IL12RB1: variants seen among roughly 807,000 people sequenced by gnomAD.
The protein encoded by IL12RB1 is interleukin 12 receptor subunit beta 1, also known as interleukin-12 receptor subunit beta-1.
A neutral mutation model predicts 94.4 loss-of-function variants in IL12RB1; 64 were observed. The observed-to-expected ratio is 0.68, with a 90% CI of 0.55 to 0.83. IL12RB1 has a LOEUF of 0.83. Among genes scored for constraint, IL12RB1 ranks in the 40% least tolerant of loss-of-function variants. The probability of loss-of-function intolerance (pLI) is 0.00; values close to 1 mark genes in which losing one functional copy is unlikely to be tolerated. For missense variants in IL12RB1, 814 were observed against 855.6 expected (o/e 0.95, Z 0.61); for synonymous variants, 362 against 355.5 (o/e 1.02, Z -0.21).
chr19:18,082,051 C>G, intron 3 of IL12RB1, 99 bp downstream of exon 3: 1 of 753,924 alleles, frequency 1.3e-6, no homozygotes, highest in Non-Finnish European at 2.4e-6. Flanking sequence ...GAGTGTTGAC[C>G]CAGCCAAGAT....
At chr19:18,087,775 G>C (rs1170786963), upstream of IL12RB1, among the ~76,000 whole-genome samples, 1 of 151,934 alleles carries the variant, frequency 6.6e-6, no homozygotes, top group Non-Finnish European at 1.5e-5. Context: ...GTCCGCCTTG[G>C]CCTACCAAAA....
At chr19:18,098,652 G>T (rs1416350475) in intron 1 of IL12RB1, 2 of 453,514 alleles carry the variant, frequency 4.4e-6, no homozygotes, top group African/African-American at 4.0e-5. Flanking sequence ...TATAAGAAAA[G>T]AAAAACAGGA....
intron 1 of IL12RB1, 131 bp from the exon 2 acceptor site, chr19:18,083,622 C>A: frequency 5.2e-6 from 4 of 772,100 alleles, no homozygotes; most frequent in Non-Finnish European, 9.0e-6. Flanking sequence ...TATGCACCCT[C>A]CTACCACCAC....
chr19:18,091,650 A>C (rs888457089), upstream of IL12RB1: 1 of 152,180 alleles, frequency 6.6e-6, no homozygotes, highest in Non-Finnish European at 1.5e-5. Flanking sequence ...AATTTTCATC[A>C]TTCAATCAGG....
At chr19:18,094,794 CCAAAA>C (rs1158975111) in intron 1 of IL12RB1, among the ~76,000 whole-genome samples, 1 of 149,564 alleles carries the variant, frequency 6.7e-6, no homozygotes, top group Non-Finnish European at 1.5e-5. Context: ...AGACCCTGTC[CCAAAA>C]CAAAACAAAA....
chr19:18,077,684 G>C, intron 4 of IL12RB1, 29 bp from the exon 5 acceptor site: 2 of 1,483,514 alleles, frequency 1.3e-6, no homozygotes, highest in South Asian at 2.3e-5. Flanking sequence ...ATTGGCGAGG[G>C]GCAGCCCACA....
At chr19:18,096,248 A>T (rs545611642) in intron 1 of IL12RB1, among the ~76,000 whole-genome samples, 1 of 152,106 alleles carries the variant, frequency 6.6e-6, no homozygotes, top group East Asian at 1.9e-4. Flanking sequence ...TCTCAAAAAA[A>T]AAATTTTTTT....
upstream of IL12RB1, among the ~76,000 whole-genome samples, chr19:18,091,739 C>A (rs982537219): frequency 1.3e-5 from 2 of 152,054 alleles, no homozygotes; most frequent in Non-Finnish European, 2.9e-5. Flanking sequence ...ACTCTGTTAC[C>A]CAGGCTGGAG....
chr19:18,064,210 G>A, intron 12 of IL12RB1, among the ~76,000 whole-genome samples, 200 bp from the exon 13 acceptor site: 1 of 145,260 alleles, frequency 6.9e-6, no homozygotes, highest in Non-Finnish European at 1.5e-5. Context: ...CGCCATCTCG[G>A]CTCACTGCAA....
At chr19:18,077,751 C>G in intron 4 of IL12RB1, 96 bp from the exon 5 acceptor site, 2 of 787,306 alleles carry the variant, frequency 2.5e-6, no homozygotes, top group Non-Finnish European at 4.6e-6. Flanking sequence ...GCAACTGAAT[C>G]CCTAAATATG....
chr19:18,061,314 TCTG>T, intron 14 of IL12RB1, 117 bp from the exon 15 acceptor site: 1 of 590,026 alleles, frequency 1.7e-6, no homozygotes, highest in Middle Eastern at 4.5e-4. Flanking sequence ...CACTGCAACC[TCTG>T]CCTCCTGGGT....
intron 4 of IL12RB1, among the ~76,000 whole-genome samples, chr19:18,080,631 A>T (rs2305742): frequency 6.6e-6 from 1 of 152,106 alleles, no homozygotes; most frequent in Non-Finnish European, 1.5e-5. Context: ...AAGCAATCTA[A>T]GTGCCCACGA....
intron 4 of IL12RB1, among the ~76,000 whole-genome samples, chr19:18,080,333 G>A (rs1326951616): frequency 5.3e-5 from 8 of 152,082 alleles, no homozygotes; most frequent in Admixed American, 5.2e-4. Flanking sequence ...CCACCTCCCG[G>A]GTTCAAGCGA....
At chr19:18,075,686 C>G (rs1392201723) in intron 7 of IL12RB1, 63 bp downstream of exon 7, 5 of 1,464,646 alleles carry the variant, frequency 3.4e-6, no homozygotes, top group Admixed American at 3.3e-5. Context: ...TGTGCACCAC[C>G]ACCTCCGGCT....
At chr19:18,097,672 C>T in intron 1 of IL12RB1, 1 of 571,878 alleles carries the variant, frequency 1.7e-6, no homozygotes, top group Non-Finnish European at 2.5e-6. Context: ...TGGTCGGGCT[C>T]CCCGGGAGGG....
At position 18,075,753 on chromosome 19, in the gene IL12RB1, G is replaced by T; in HGVS notation, c.696C>A (p.Pro232=). The T allele has an allele frequency of 6.2e-7, 1 of 1,612,896 alleles. No individual in the cohort carries two copies. The highest frequency in any genetic ancestry group is 1.1e-5 in the South Asian group (1 of 91,058). ...CTGTACTCAGAGTGATCTTACCAGG[G>T]GGAACGCACACGGGGCTGCTCCACT... ...WSKWSSPVCV[P]PENPPQPQVR... Residue 232 remains proline (P), a synonymous_variant, in exon 7 of 17, where the codon CCC becomes CCA. Transcript: ENST00000593993.
At position 18,068,516 on chromosome 19, in the gene IL12RB1, G is replaced by C. The variant is rs774555779; in HGVS notation, c.1200C>G (p.Ser400Arg). 3 of 1,612,554 alleles carry C rather than the reference G, an allele frequency of 1.9e-6. No homozygotes were observed. Among genetic ancestry groups the C allele is most frequent in the Non-Finnish European group, 2.5e-6 (3 of 1,178,862 alleles). Residue 400 changes from serine (S) to arginine (R), a missense_variant, in exon 11 of 17, where the codon AGC becomes AGG. Coordinates refer to ENST00000593993, the MANE Select transcript of IL12RB1 (RefSeq NM_005535.3). ...CCATTGCCCCAGACTCTCGACTCCA[G>C]CTGTAGGTTGCTGGAAGGATAAGCA... is the stretch of plus-strand genomic sequence containing the variant. ...DPDPAGMATY[S>R]WSRESGAMGQ...
chr19:18,062,997 C>T (rs867405967), intron 13 of IL12RB1, among the ~76,000 whole-genome samples: 1 of 105,336 alleles, frequency 9.5e-6, no homozygotes, highest in African/African-American at 3.7e-5. Flanking sequence ...GTGTTGTTCT[C>T]TTCCTCCTCC....
In IL12RB1 at chr19:18,064,005, G is replaced by T. The variant is rs1285674672; in HGVS notation, c.1489C>A (p.Pro497Thr). 3 of 1,611,852 alleles carry T rather than the reference G, an allele frequency of 1.9e-6. No homozygotes were observed. Among genetic ancestry groups the T allele is most frequent in the Non-Finnish European group, 2.5e-6 (3 of 1,178,394 alleles). ...DEDSKQVSEH[P>T]VQPTETQVTL... is the part of the protein sequence containing the mutation. Reference sequence around the variant, plus strand: ...ACTTGGGTCTCTGTGGGCTGCACGGGATGCTCTGCAGTGGGAGAGGCAACC... The same window carrying T: ...ACTTGGGTCTCTGTGGGCTGCACGGTATGCTCTGCAGTGGGAGAGGCAACC... Residue 497 changes from proline to threonine, a missense_variant, in exon 13 of 17, where the codon CCC becomes ACC. By Grantham distance (38) the Pro-to-Thr change is conservative (BLOSUM62 -1). Coordinates refer to ENST00000593993, the MANE Select transcript of IL12RB1 (RefSeq NM_005535.3).
Sources: allele counts gnomAD v4.1 joint callset (sites outside exome capture counted in the v4.1 genomes callset), GRCh38; gene constraint gnomAD v4.1.1; transcripts MANE v1.5; gene names NCBI Gene and HGNC (gene_info 2026-07-23, HGNC 2026-07-21).